HAPSTR1: variants seen among roughly 807,000 people sequenced by gnomAD.
HAPSTR1 encodes the protein HUWE1-associated protein modifying stress responses 1.
the HAPSTR1 span, among the ~76,000 whole-genome samples, chr16:9,096,106 G>C: frequency 6.6e-6 from 1 of 152,108 alleles, no homozygotes; most frequent in African/African-American, 2.4e-5. Flanking sequence ...TTACCTTTAT[G>C]GTCCTGGAGA....
At chr16:9,098,093 G>A in the HAPSTR1 span, among the ~76,000 whole-genome samples, 1 of 152,220 alleles carries the variant, frequency 6.6e-6, no homozygotes, top group African/African-American at 2.4e-5. Flanking sequence ...CACTTTGGGA[G>A]GCTGAGGCGG....
the HAPSTR1 span, among the ~76,000 whole-genome samples, chr16:9,116,441 A>AATTGGTAGTTACCAATATTGTAGAT: frequency 2.6e-4 from 40 of 152,246 alleles, no homozygotes; most frequent in Admixed American, 2.6e-4. Context: ...AACTTTTAGT[A>AATTGGTAGTTACCAATATTGTAGAT]ATTGGTAGTT....
the HAPSTR1 span, among the ~76,000 whole-genome samples, chr16:9,113,469 C>G: frequency 2.0e-5 from 3 of 152,148 alleles, no homozygotes; most frequent in East Asian, 5.8e-4. Flanking sequence ...CTTGAAATCC[C>G]TAGTCCACTT....
the HAPSTR1 span, chr16:9,116,871 A>G: frequency 6.2e-7 from 1 of 1,614,212 alleles, no homozygotes; most frequent in East Asian, 2.2e-5. Flanking sequence ...TGGCGATGTC[A>G]TTACAGACTC....
chr16:9,109,059 G>A, the HAPSTR1 span: 2 of 152,290 alleles, frequency 1.3e-5, no homozygotes, highest in African/African-American at 4.8e-5. Flanking sequence ...AGTAGTAAGG[G>A]TCACATTTTA....
the HAPSTR1 span, among the ~76,000 whole-genome samples, chr16:9,102,738 A>G: frequency 6.7e-6 from 1 of 149,078 alleles, no homozygotes; most frequent in Non-Finnish European, 1.5e-5. Flanking sequence ...TTTCTGTTAA[A>G]TTTTTTTTTT....
the HAPSTR1 span, chr16:9,116,598 A>G: frequency 6.4e-7 from 1 of 1,555,224 alleles, no homozygotes; most frequent in Non-Finnish European, 8.7e-7. Context: ...GACAACATGG[A>G]AAGTAAGTGG....
the HAPSTR1 span, among the ~76,000 whole-genome samples, chr16:9,100,243 G>A: frequency 6.6e-6 from 1 of 152,098 alleles, no homozygotes; most frequent in East Asian, 1.9e-4. Context: ...TTTAAAAGAG[G>A]TTCACAACTT....
chr16:9,097,875 G>T, the HAPSTR1 span, among the ~76,000 whole-genome samples: 3 of 152,216 alleles, frequency 2.0e-5, no homozygotes, highest in African/African-American at 7.2e-5. Context: ...GGGGTACATA[G>T]GGTTATGCAC....
the HAPSTR1 span, chr16:9,111,300 A>C: frequency 5.9e-5 from 9 of 152,180 alleles, no homozygotes; most frequent in Non-Finnish European, 4.4e-5. Flanking sequence ...GTGTCTAAAG[A>C]CCTTTTGGAA....
chr16:9,119,960 A>G, the HAPSTR1 span: 1 of 152,268 alleles, frequency 6.6e-6, no homozygotes, highest in African/African-American at 2.4e-5. Flanking sequence ...GGCCAGTGCA[A>G]GACGCCAAGA....
chr16:9,097,471 A>G, the HAPSTR1 span, among the ~76,000 whole-genome samples: 1 of 152,146 alleles, frequency 6.6e-6, no homozygotes, highest in Non-Finnish European at 1.5e-5. Context: ...TCCTGAGCTC[A>G]GGCGATCCAC....
At chr16:9,104,567 C>T in the HAPSTR1 span, 5 of 152,112 alleles carry the variant, frequency 3.3e-5, no homozygotes, top group South Asian at 2.1e-4. Flanking sequence ...TCTGGCAAAC[C>T]GTAGTTCTTT....
chr16:9,112,457 C>T, the HAPSTR1 span: 1 of 152,272 alleles, frequency 6.6e-6, no homozygotes, highest in Non-Finnish European at 1.5e-5. Flanking sequence ...CTTCTCACCT[C>T]CAGGGCTAGC....
chr16:9,111,947 A>G, the HAPSTR1 span: 10 of 152,206 alleles, frequency 6.6e-5, no homozygotes, highest in Admixed American at 2.6e-4. Context: ...GTCGTGAGCA[A>G]TTTTCCCATG....
the HAPSTR1 span, chr16:9,113,037 G>GTTT: frequency 1.0e-4 from 12 of 116,466 alleles, no homozygotes; most frequent in African/African-American, 3.8e-4. Flanking sequence ...GTTTTTTTTT[G>GTTT]TTTTTTTTTT....
the HAPSTR1 span, chr16:9,121,415 C>A: frequency 6.6e-6 from 1 of 152,158 alleles, no homozygotes; most frequent in African/African-American, 2.4e-5. Flanking sequence ...ACATCGTAGC[C>A]AGTGTTGGGT....
chr16:9,106,555 G>A, the HAPSTR1 span: 1 of 151,820 alleles, frequency 6.6e-6, no homozygotes. Flanking sequence ...CTAAGTGGTG[G>A]GATTGCAGGT....
At chr16:9,097,676 A>C in the HAPSTR1 span, among the ~76,000 whole-genome samples, 1 of 152,340 alleles carries the variant, frequency 6.6e-6, no homozygotes, top group East Asian at 1.9e-4. Flanking sequence ...TGAGCAGCCC[A>C]GGCTCCCCTG....
Sources: gnomAD v4.1 joint callset for allele counts (sites outside exome capture counted in the v4.1 genomes callset) on GRCh38, gnomAD v4.1.1 for gene constraint, MANE v1.5 for transcripts, NCBI Gene and HGNC (gene_info 2026-07-23, HGNC 2026-07-21) for gene names.